Variants in SLC12A8 observed in about 807,000 individuals in gnomAD.
SLC12A8 encodes solute carrier family 12 member 8.
SLC12A8 carries 69 observed loss-of-function variants against 75.6 expected under a neutral mutation model. The ratio of observed to expected loss-of-function variants is 0.91; its 90% CI spans 0.75 to 1.11. The LOEUF is 1.11. Among genes scored for constraint, SLC12A8 ranks in the 50% most tolerant of loss-of-function variants. SLC12A8 has a pLI of 0.00. For missense variants in SLC12A8, 877 were observed against 896.7 expected (o/e 0.98, Z 0.28); for synonymous variants, 365 against 372.8 (o/e 0.98, Z 0.24).
intron 2 of SLC12A8, among the ~76,000 whole-genome samples, chr3:125,201,645 C>T (rs914856725): frequency 6.8e-6 from 1 of 147,208 alleles, no homozygotes; most frequent in Non-Finnish European, 1.5e-5. Flanking sequence ...TGGTGGCATG[C>T]ACCTGTGGTC....
At chr3:125,197,096 A>T (rs374981259) in intron 2 of SLC12A8, among the ~76,000 whole-genome samples, 109 of 152,346 alleles carry the variant, frequency 7.2e-4, no homozygotes, top group African/African-American at 2.4e-3. Flanking sequence ...TGAGTCTGGA[A>T]TATCTTGTAC....
At chr3:125,181,339 C>T (rs1488106637) in intron 4 of SLC12A8, among the ~76,000 whole-genome samples, 4 of 151,862 alleles carry the variant, frequency 2.6e-5, no homozygotes, top group Non-Finnish European at 4.4e-5. Flanking sequence ...CGGTGGCTCA[C>T]GCCTGTAATC....
At position 125,118,196 on chromosome 3, in the gene SLC12A8, C is replaced by T. The variant is rs1939359953; in HGVS notation, c.912+573G>A. On this transcript the variant is annotated intron_variant, in intron 8 of 13. Coordinates refer to ENST00000469902, the MANE Select transcript of SLC12A8 (RefSeq NM_024628.6). ...TGATTTTTGACAGGAAGAGATGTCC[C>T]CATTATCTAGCCCCTCATATTTGTG... Among the ~76,000 whole-genome samples, 3 of 152,234 alleles carry T rather than the reference C, an allele frequency of 2.0e-5. No individual in the cohort carries two copies. In the East Asian group the frequency reaches 5.8e-4, roughly 29 times the overall value.
At chr3:125,127,300 T>C (rs899008404) in intron 6 of SLC12A8, among the ~76,000 whole-genome samples, 12 of 152,214 alleles carry the variant, frequency 7.9e-5, no homozygotes, top group African/African-American at 2.7e-4. Flanking sequence ...GTTTTAGAGA[T>C]GCTGCTGGGA....
Position 125,107,957 on chromosome 3 carries a change from C to T in SLC12A8, c.1229G>A (p.Cys410Tyr), listed in dbSNP as rs114987541. Residue 410 changes from cysteine (C) to tyrosine (Y), a missense_variant, in exon 10 of 14, where the codon TGC (cysteine) becomes TAC (tyrosine). Physicochemically the swap from Cys to Tyr is radical, Grantham distance 194. Transcript: ENST00000469902. ...YSYFSLSMCS[C>Y]SLTPVPEPVL... ...CGGCTCAGGCACCGGGGTCAGGCTGCAGGAACACATGGACAGGGAGAAGTA... is the reference window on the plus strand; with the variant it reads ...CGGCTCAGGCACCGGGGTCAGGCTGTAGGAACACATGGACAGGGAGAAGTA... 3.4e-3 allele frequency: 5,536 copies of T among 1,614,140 alleles called. 17 individuals are homozygous for T. The highest frequency in any genetic ancestry group is 4.2e-3 in the Non-Finnish European group (4,938 of 1,180,024).
chr3:125,121,054 GTCTGGCAGCCTCCTGC>G, intron 6 of SLC12A8: 2 of 573,244 alleles, frequency 3.5e-6, no homozygotes, highest in Non-Finnish European at 6.1e-6. Flanking sequence ...CATTACAAAG[GTCTGGCAGCCTCCTGC>G]TCAGCAGCTT....
At chr3:125,115,637 C>T (rs1247055559) in intron 8 of SLC12A8, among the ~76,000 whole-genome samples, 1 of 151,850 alleles carries the variant, frequency 6.6e-6, no homozygotes, top group East Asian at 1.9e-4. Context: ...CAGAAAGAAA[C>T]AGATTAACTG....
intron 10 of SLC12A8, among the ~76,000 whole-genome samples, chr3:125,104,685 C>T (rs1938982202): frequency 6.6e-6 from 1 of 152,050 alleles, no homozygotes; most frequent in Non-Finnish European, 1.5e-5. Flanking sequence ...AGTTAAAAAA[C>T]AATTTTATCA....
chr3:125,137,114 T>C (rs1241422945), intron 5 of SLC12A8, among the ~76,000 whole-genome samples: 1 of 152,158 alleles, frequency 6.6e-6, no homozygotes, highest in African/African-American at 2.4e-5. Context: ...GCTCGGAGCT[T>C]AATTACAGCC....
At chr3:125,086,804 C>T (rs1938470120) in intron 13 of SLC12A8, among the ~76,000 whole-genome samples, 1 of 152,196 alleles carries the variant, frequency 6.6e-6, no homozygotes, top group Non-Finnish European at 1.5e-5. Context: ...GGGTGCTCCC[C>T]ATGCACCCCA....
chr3:125,176,992 T>C (rs1198054842), intron 5 of SLC12A8, among the ~76,000 whole-genome samples: 1 of 151,882 alleles, frequency 6.6e-6, no homozygotes, highest in African/African-American at 2.4e-5. Flanking sequence ...CCCAAAGGAT[T>C]ATAAATCATG....
chr3:125,144,269 T>C (rs1192055717), intron 5 of SLC12A8, among the ~76,000 whole-genome samples: 1 of 152,204 alleles, frequency 6.6e-6, no homozygotes, highest in East Asian at 1.9e-4. Flanking sequence ...GCCTCACAAC[T>C]ACCCTATGAG....
intron 6 of SLC12A8, among the ~76,000 whole-genome samples, chr3:125,121,889 A>ATATAC (rs1933069916): frequency 6.6e-6 from 1 of 152,192 alleles, no homozygotes; most frequent in Non-Finnish European, 1.5e-5. Flanking sequence ...GATGGGGTGC[A>ATATAC]TATACTGTCA....
intron 10 of SLC12A8, among the ~76,000 whole-genome samples, chr3:125,104,548 C>T (rs973549455): frequency 3.4e-5 from 5 of 148,842 alleles, no homozygotes; most frequent in African/African-American, 1.2e-4. Context: ...TAGATCACAA[C>T]CAAGAGGTCT....
rs776941317 is a variant in SLC12A8 at position 125,167,997 on chromosome 3, G to A, written c.622+9746C>T. 7.9e-4 allele frequency among the ~76,000 whole-genome samples: 120 copies of A among 152,208 alleles called. 1 individual carries two copies. The highest frequency in any genetic ancestry group is 2.9e-4 in the Non-Finnish European group (20 of 68,038). ...ATGCTGCTTAAGCTGGAGAGTGACC[G>A]AGGCAAAGCACTGTTTTACGAAAAG... On this transcript the variant is annotated intron_variant, in intron 5 of 13. Transcript: ENST00000469902.
rs3061221 is a variant in SLC12A8, at chr3:125,138,845, AACACACACACACAC to A, written c.623-3077_623-3064del. Among the ~76,000 whole-genome samples the A allele has an allele frequency of 4.6e-3, 634 of 137,832 alleles. 8 individuals carry two copies. The highest frequency in any genetic ancestry group is 0.016 in the African/African-American group (582 of 35,962). 90.4% of individuals were successfully genotyped at this position (137,832 alleles called of 152,430 possible). On this transcript the variant is annotated intron_variant, in intron 5 of 13. Coordinates refer to ENST00000469902, the MANE Select transcript of SLC12A8 (RefSeq NM_024628.6). ...CAACACAGAAAGACCCCTTCTACAA[AACACACACACACAC>A]ACACACACACACACACACACACACA...
intron 9 of SLC12A8, among the ~76,000 whole-genome samples, chr3:125,108,364 C>T (rs1448790320): frequency 2.1e-5 from 3 of 145,864 alleles, no homozygotes; most frequent in Non-Finnish European, 3.0e-5. Flanking sequence ...GCATTAGCAA[C>T]TTTTTTTTTT....
In SLC12A8 at chr3:125,177,721, TACTGG is replaced by T. The variant is rs750452640; in HGVS notation, c.622+17_622+21del. On this transcript the variant is annotated intron_variant, in intron 5 of 13. Transcript: ENST00000469902. ...AGCAGTGAAGATCCATAAGGCCACATACTGGACTCTGAAAGGCTTACCTGGGTCCA... is the reference window on the plus strand; with the variant it reads ...AGCAGTGAAGATCCATAAGGCCACATACTCTGAAAGGCTTACCTGGGTCCA... 3 of 1,589,370 alleles carry T rather than the reference TACTGG, an allele frequency of 1.9e-6. No individual in the cohort carries two copies.
At chr3:125,102,516 G>A (rs1216521985) in intron 10 of SLC12A8, among the ~76,000 whole-genome samples, 1 of 152,148 alleles carries the variant, frequency 6.6e-6, no homozygotes, top group African/African-American at 2.4e-5. Context: ...ATCATTCAGT[G>A]GGCAGCATGA....
Sources: allele counts gnomAD v4.1 joint callset (sites outside exome capture counted in the v4.1 genomes callset), GRCh38; gene constraint gnomAD v4.1.1; transcripts MANE v1.5; gene names NCBI Gene and HGNC (gene_info 2026-07-23, HGNC 2026-07-21).